Variants in ELP4 observed in about 807,000 individuals in gnomAD.
ELP4 encodes elongator acetyltransferase complex subunit 4, also known as elongator complex protein 4.
ELP4 carries 51 observed loss-of-function variants against 48.9 expected under a neutral mutation model. The ratio of observed to expected loss-of-function variants is 1.04; its 90% CI spans 0.83 to 1.32. The LOEUF (loss-of-function observed/expected upper bound fraction) is 1.32, where lower values mean the gene tolerates loss of function less well. Among genes scored for constraint, ELP4 ranks in the 40% most tolerant of loss-of-function variants. The pLI, the probability that ELP4 is intolerant of heterozygous loss-of-function variation, is 0.00. For missense variants in ELP4, 519 were observed against 514.6 expected (o/e 1.01, Z -0.08); for synonymous variants, 210 against 189.2 (o/e 1.11, Z -0.90).
intron 9 of ELP4, among the ~76,000 whole-genome samples, chr11:31,782,239 A>G (rs1438777547): frequency 3.3e-5 from 5 of 152,382 alleles, no homozygotes; most frequent in African/African-American, 9.6e-5. Flanking sequence ...TATTCAAGAA[A>G]GAAACTAACT....
chr11:31,546,461 A>G (rs933495783), intron 3 of ELP4, among the ~76,000 whole-genome samples: 2 of 152,178 alleles, frequency 1.3e-5, no homozygotes, highest in South Asian at 4.1e-4. Flanking sequence ...TGCACCCAAT[A>G]CAGGAGCACC....
At chr11:31,569,781 G>A (rs758369598) in intron 3 of ELP4, among the ~76,000 whole-genome samples, 33 of 152,212 alleles carry the variant, frequency 2.2e-4, no homozygotes, top group African/African-American at 7.7e-4. Context: ...TCATCATCAC[G>A]AATCATCAGA....
chr11:31,595,656 T>A (rs1046622854), intron 4 of ELP4, among the ~76,000 whole-genome samples: 1 of 152,150 alleles, frequency 6.6e-6, no homozygotes, highest in East Asian at 1.9e-4. Context: ...GGTTTCCTGT[T>A]TTCACTACCC....
chr11:31,542,464 T>C (rs974398416), intron 3 of ELP4, among the ~76,000 whole-genome samples: 2 of 152,154 alleles, frequency 1.3e-5, no homozygotes, highest in African/African-American at 4.8e-5. Flanking sequence ...CTGACAATAT[T>C]AGAAGTAACA....
At chr11:31,659,978 C>T (rs547573660) in intron 9 of ELP4, among the ~76,000 whole-genome samples, 14 of 152,104 alleles carry the variant, frequency 9.2e-5, no homozygotes, top group South Asian at 4.2e-4. Flanking sequence ...GGCAACAGTG[C>T]GAGACTCCAT....
At chr11:31,643,236 C>A (rs916060116) in intron 7 of ELP4, among the ~76,000 whole-genome samples, 5 of 151,614 alleles carry the variant, frequency 3.3e-5, no homozygotes, top group African/African-American at 1.2e-4. Context: ...TATTATAGCC[C>A]CAAATCTGTT....
intron 9 of ELP4, among the ~76,000 whole-genome samples, chr11:31,765,548 T>C (rs1209340181): frequency 6.6e-6 from 1 of 152,152 alleles, no homozygotes; most frequent in Non-Finnish European, 1.5e-5. Context: ...ATCATTGACT[T>C]TACTTTTATT....
Position 31,790,116 on chromosome 11 carries a change from A to AAAAAAAAAAAT in ELP4, c.*6596_*6597insAAAAAATAAAA. ...GGTTTACAAAAAAAAAAAAAAAAAA[A>AAAAAAAAAAAT]AAAACTAATACTTTCTAACATTTTT... On this transcript the variant is annotated 3_prime_UTR_variant, in exon 10 of 10. Transcript: ENST00000640961. 1 of 779,214 alleles carries AAAAAAAAAAAT rather than the reference A, an allele frequency of 1.3e-6. No individual in the cohort carries two copies. The allele number at this position is 779,214 out of a possible 1,614,324, so 48.3% of individuals were successfully genotyped here.
At chr11:31,741,106 T>C (rs1947435825) in intron 9 of ELP4, among the ~76,000 whole-genome samples, 1 of 152,136 alleles carries the variant, frequency 6.6e-6, no homozygotes, top group Non-Finnish European at 1.5e-5. Context: ...CGTACCTGTC[T>C]CGGAGGGTCC....
At chr11:31,658,743 C>T (rs769666066) in intron 9 of ELP4, among the ~76,000 whole-genome samples, 6 of 151,878 alleles carry the variant, frequency 4.0e-5, no homozygotes, top group Admixed American at 2.0e-4. Flanking sequence ...TTGTTATTTT[C>T]GGAGCATCAA....
chr11:31,660,410 G>A (rs969087453), intron 9 of ELP4, among the ~76,000 whole-genome samples: 1 of 152,158 alleles, frequency 6.6e-6, no homozygotes, highest in African/African-American at 2.4e-5. Flanking sequence ...GCATGAAGTG[G>A]ATTGCCCTTG....
intron 5 of ELP4, among the ~76,000 whole-genome samples, chr11:31,604,352 T>C (rs1410963868): frequency 6.6e-6 from 1 of 151,814 alleles, no homozygotes; most frequent in Non-Finnish European, 1.5e-5. Flanking sequence ...AAGTATATAC[T>C]TTACAATATT....
chr11:31,752,928 C>T (rs1565141231), intron 9 of ELP4, among the ~76,000 whole-genome samples: 2 of 151,974 alleles, frequency 1.3e-5, no homozygotes, highest in African/African-American at 4.8e-5. Flanking sequence ...ACAAGGTTGC[C>T]AGATTCAGGA....
intron 9 of ELP4, among the ~76,000 whole-genome samples, chr11:31,740,310 A>G (rs1947416659): frequency 6.6e-6 from 1 of 152,196 alleles, no homozygotes; most frequent in African/African-American, 2.4e-5. Flanking sequence ...TTTGTTTGGC[A>G]TGCTAAGGAA....
At chr11:31,717,753 CAA>C (rs1363398602) in intron 9 of ELP4, among the ~76,000 whole-genome samples, 14 of 97,680 alleles carry the variant, frequency 1.4e-4, no homozygotes, top group Admixed American at 2.1e-4. Flanking sequence ...CACTGTGTCT[CAA>C]AAAAAAAAAA....
intron 3 of ELP4, among the ~76,000 whole-genome samples, chr11:31,581,098 C>T (rs1462095634): frequency 6.6e-6 from 1 of 152,134 alleles, no homozygotes; most frequent in African/African-American, 2.4e-5. Flanking sequence ...TCAAAACTTT[C>T]CACTAAAGTT....
intron 5 of ELP4, among the ~76,000 whole-genome samples, chr11:31,611,307 T>G (rs566223599): frequency 6.6e-6 from 1 of 152,322 alleles, no homozygotes; most frequent in South Asian, 2.1e-4. Flanking sequence ...TTAATTTTAT[T>G]TTTCTTTAGT....
At chr11:31,598,918 TA>T (rs1957728464) in intron 4 of ELP4, 1 of 152,218 alleles carries the variant, frequency 6.6e-6, no homozygotes, top group Admixed American at 6.5e-5. Flanking sequence ...AGGTCTCTAC[TA>T]AAAGATTACT....
At chr11:31,515,000 CATGT>C (rs1321745960) in intron 1 of ELP4, among the ~76,000 whole-genome samples, 1 of 107,796 alleles carries the variant, frequency 9.3e-6, no homozygotes, top group Non-Finnish European at 1.9e-5. Flanking sequence ...CTGCTGTATG[CATGT>C]GTGTGTGTGT....
Sources: allele counts gnomAD v4.1 joint callset (sites outside exome capture counted in the v4.1 genomes callset), GRCh38; gene constraint gnomAD v4.1.1; transcripts MANE v1.5; gene names NCBI Gene and HGNC (gene_info 2026-07-23, HGNC 2026-07-21).